GIGYF1: variants seen among roughly 807,000 people sequenced by gnomAD.
The protein encoded by GIGYF1 is GRB10-interacting GYF protein 1.
A neutral mutation model predicts 147.1 loss-of-function variants in GIGYF1; 84 were observed. The ratio of observed to expected loss-of-function variants is 0.57; its 90% CI spans 0.48 to 0.68. The LOEUF is 0.68. Among genes scored for constraint, GIGYF1 ranks in the 30% least tolerant of loss-of-function variants. The probability of loss-of-function intolerance (pLI) is 0.00; values close to 1 mark genes in which losing one functional copy is unlikely to be tolerated. For synonymous variants in GIGYF1, 752 were observed against 589.5 expected (o/e 1.28, Z -3.99); for missense variants, 1,485 against 1,393.7 (o/e 1.07, Z -1.04).
chr7:100,691,193 G>A (rs991512564), intron 1 of GIGYF1, among the ~76,000 whole-genome samples: 1 of 152,216 alleles, frequency 6.6e-6, no homozygotes, highest in Admixed American at 6.5e-5. Flanking sequence ...TGCTCCTCAG[G>A]GGGCTCTTGG....
At chr7:100,693,165 C>A (rs912424736) in intron 1 of GIGYF1, among the ~76,000 whole-genome samples, 8 of 152,090 alleles carry the variant, frequency 5.3e-5, no homozygotes, top group Non-Finnish European at 8.8e-5. Context: ...GCTAACAAGT[C>A]TTTATGTAGC....
chr7:100,684,351 A>G lies in GIGYF1; in HGVS notation c.1630-14T>C. ...GTCCATGTTTCCCTGCTCAGGTGAG[A>G]GCTCGGCCAGTGCCCCCAGCAGGGA... is the stretch of plus-strand genomic sequence containing the variant. On this transcript the variant is annotated splice_polypyrimidine_tract_variant and intron_variant, in intron 16 of 26. Transcript: ENST00000678049. The G allele has an allele frequency of 6.3e-7, 1 of 1,593,850 alleles. No individual in the cohort carries two copies. Among genetic ancestry groups the G allele is most frequent in the Non-Finnish European group, 8.5e-7 (1 of 1,171,872 alleles).
intron 1 of GIGYF1, among the ~76,000 whole-genome samples, chr7:100,691,700 C>T (rs1805843683): frequency 6.6e-6 from 1 of 152,050 alleles, no homozygotes; most frequent in African/African-American, 2.4e-5. Flanking sequence ...CCAGCCTGTC[C>T]CCCGCCCTGG....
Position 100,682,407 on chromosome 7 carries a change from C to A in GIGYF1, c.2676G>T (p.Leu892=). Residue 892 remains leucine (L), a synonymous_variant, in exon 24 of 27, where the codon CTG becomes CTT. Transcript: ENST00000678049. ...TEEEEKLLKL[L]QGIPRPQDGF... ...CGTCCTGGGGCCTGGGAATGCCCTGCAGCAGCTTCAGCAGCTTCTCTTCTT... is the reference window on the plus strand; with the variant it reads ...CGTCCTGGGGCCTGGGAATGCCCTGAAGCAGCTTCAGCAGCTTCTCTTCTT... 1 of 1,613,726 alleles carries A rather than the reference C, an allele frequency of 6.2e-7. No homozygotes were observed. The highest frequency in any genetic ancestry group is 1.1e-5 in the South Asian group (1 of 91,092).
intron 1 of GIGYF1, among the ~76,000 whole-genome samples, chr7:100,691,746 G>A (rs543548245): frequency 6.6e-6 from 1 of 151,742 alleles, no homozygotes; most frequent in African/African-American, 2.4e-5. Context: ...TCGGCTCCTC[G>A]CCCCTTCCCC....
chr7:100,693,224 G>A (rs1003791270), intron 1 of GIGYF1, among the ~76,000 whole-genome samples: 1 of 152,142 alleles, frequency 6.6e-6, no homozygotes, highest in African/African-American at 2.4e-5. Context: ...AGTCTGACCG[G>A]GAATGCGAGT....
chr7:100,685,592 G>A (rs1344296988), intron 12 of GIGYF1, 111 bp from the exon 13 acceptor site: 3 of 1,208,438 alleles, frequency 2.5e-6, no homozygotes, highest in African/African-American at 1.5e-5. Context: ...CTTAGGCCGA[G>A]TCCACCACTT....
In GIGYF1 at chr7:100,684,906, G is replaced by A. The variant is rs766294608; in HGVS notation, c.1291-12C>T. 1 of 1,605,394 alleles carries A rather than the reference G, an allele frequency of 6.2e-7. No individual in the cohort carries two copies. The highest frequency in any genetic ancestry group is 8.5e-7 in the Non-Finnish European group (1 of 1,175,594). On this transcript the variant is annotated splice_polypyrimidine_tract_variant and intron_variant, in intron 14 of 26. Coordinates refer to ENST00000678049, the MANE Select transcript of GIGYF1 (RefSeq NM_001375765.1). ...AGCTTCTCCGCCTCCTGGATGCCCA[G>A]AAAAAGAAGAAAGGCTCAGCTGCCA... is the stretch of plus-strand genomic sequence containing the variant.
rs537109599 is a variant in GIGYF1 at position 100,686,677 on chromosome 7, G to A, written c.666C>T (p.Asp222=). Residue 222 remains aspartate (D), a synonymous_variant, in exon 10 of 27, where the codon GAC becomes GAT. Coordinates refer to ENST00000678049, the MANE Select transcript of GIGYF1 (RefSeq NM_001375765.1). ...SWRLGAGPRR[D]GDRWRSASPD... is the part of the protein sequence containing the mutation. Reference sequence around the variant, plus strand: ...GGCTGGCGGAGCGCCAGCGGTCGCCGTCTCGCCGGGGCCCTGCTCCGAGCC... The same window carrying A: ...GGCTGGCGGAGCGCCAGCGGTCGCCATCTCGCCGGGGCCCTGCTCCGAGCC... 34 of 1,612,742 alleles carry A rather than the reference G, an allele frequency of 2.1e-5. 1 individual carries two copies. Among genetic ancestry groups the A allele is most frequent in the South Asian group, 1.6e-4 (15 of 91,040 alleles).
At chr7:100,690,135 A>G (rs185569123) in intron 1 of GIGYF1, among the ~76,000 whole-genome samples, 228 of 152,314 alleles carry the variant, frequency 1.5e-3, no homozygotes, top group African/African-American at 5.2e-3. Flanking sequence ...TGTATATTTT[A>G]CCACAATAAT....
rs375785053 is a variant in GIGYF1 at position 100,685,463 on chromosome 7, G to A, written c.1073C>T (p.Pro358Leu). Residue 358 changes from proline to leucine, a missense_variant, in exon 13 of 27, where the codon CCA becomes CTA. Coordinates refer to ENST00000678049, the MANE Select transcript of GIGYF1 (RefSeq NM_001375765.1). The part of the protein sequence containing the change: ...GPEAGGKELT[P>L]LPPQEEKSSS... ...GGACTTCTCCTCCTGAGGAGGCAGT[G>A]GGGTCAGCTCTTTCCCACCTAGAAG... 3.8e-6 allele frequency: 6 copies of A among 1,599,454 alleles called. No individual in the cohort carries two copies. Among genetic ancestry groups the A allele is most frequent in the Non-Finnish European group, 3.4e-6 (4 of 1,176,632 alleles).
At position 100,684,121 on chromosome 7, in the gene GIGYF1, T is replaced by A. The variant is rs969383204; in HGVS notation, c.1767A>T (p.Ala589=). The change falls in exon 18 of 27, where the codon GCA becomes GCT. Residue 589 remains alanine (A), a synonymous_variant. Transcript: ENST00000678049. The part of the protein sequence containing the change: ...QLPQCALREK[A]ALGDLTPPPP... ...GTGGCGGTGTCAGGTCCCCCAGAGC[T>A]GCCTTTTCTCGGAGCGCGCACTGTG... 5 of 1,608,592 alleles carry A rather than the reference T, an allele frequency of 3.1e-6. No homozygotes were observed. Among genetic ancestry groups the A allele is most frequent in the Non-Finnish European group, 3.4e-6 (4 of 1,179,712 alleles).
intron 22 of GIGYF1, 33 bp from the exon 23 acceptor site, chr7:100,682,810 C>T (rs776893605): frequency 6.6e-7 from 1 of 1,509,334 alleles, no homozygotes; most frequent in Non-Finnish European, 8.9e-7. Flanking sequence ...GTGGCTCAAA[C>T]AAAGGCACCC....
In GIGYF1 at chr7:100,692,545, T is replaced by G. The variant is rs531049480; in HGVS notation, c.-1099+1565A>C. ...GACTTTCAACATCCTTCATCTAGCC[T>G]CCTCCTCTCATCTTCTCTCCTCTAA... On this transcript the variant is annotated intron_variant, in intron 1 of 26. Coordinates refer to ENST00000678049, the MANE Select transcript of GIGYF1 (RefSeq NM_001375765.1). 1.1e-4 allele frequency among the ~76,000 whole-genome samples: 16 copies of G among 152,370 alleles called. No homozygotes were observed. In the East Asian group the frequency reaches 1.5e-3, roughly 15 times the overall value.
At position 100,679,563 on chromosome 7, in the gene GIGYF1, AAGAG is replaced by A. The variant is rs574274143; in HGVS notation, c.*2152_*2155del. 164 of 152,820 alleles carry A rather than the reference AAGAG, an allele frequency of 1.1e-3. No homozygotes were observed. Among genetic ancestry groups the A allele is most frequent in the Non-Finnish European group, 1.8e-3 (121 of 68,172 alleles). The allele number at this position is 152,820 out of a possible 1,614,324, so 9.5% of individuals were successfully genotyped here. On this transcript the variant is annotated 3_prime_UTR_variant, in exon 27 of 27. Coordinates refer to ENST00000678049, the MANE Select transcript of GIGYF1 (RefSeq NM_001375765.1). ...AGGGAGTATTTACAGGAGCAGGTAA[AAGAG>A]AGGGAAGTCACACAGGGTGGAGAGG...
intron 1 of GIGYF1, among the ~76,000 whole-genome samples, chr7:100,692,832 A>T (rs1777483735): frequency 6.6e-6 from 1 of 152,210 alleles, no homozygotes; most frequent in Admixed American, 6.5e-5. Context: ...ACCAAGACCT[A>T]CAATCTAAGA....
Position 100,684,486 on chromosome 7 carries a change from C to T in GIGYF1, c.1593G>A (p.Val531=), listed in dbSNP as rs764581297. The T allele has an allele frequency of 1.9e-6, 3 of 1,613,480 alleles. No homozygotes were observed. The highest frequency in any genetic ancestry group is 1.1e-5 in the South Asian group (1 of 91,078). The change falls in exon 16 of 27, where the codon GTG becomes GTA. Residue 531 remains valine (V), a synonymous_variant. Transcript: ENST00000678049. The part of the protein sequence containing the change: ...LGEVIKMWGR[V]PFAPGPSPPP... Reference sequence around the variant, plus strand: ...GAGGTGAGGGCCCTGGGGCAAAGGGCACGCGGCCCCACATCTTGATCACCT... The same window carrying T: ...GAGGTGAGGGCCCTGGGGCAAAGGGTACGCGGCCCCACATCTTGATCACCT...
In GIGYF1 at chr7:100,682,360, T is replaced by C; in HGVS notation, c.2723A>G (p.Gln908Arg). The C allele has an allele frequency of 6.2e-7, 1 of 1,613,492 alleles. No individual in the cohort carries two copies. The highest frequency in any genetic ancestry group is 1.1e-5 in the South Asian group (1 of 91,088). ...PQDGFTQWCE[Q>R]MLHTLSATGS... Reference sequence around the variant, plus strand: ...CGTGGCGCTCAGCGTGTGCAGCATCTGCTCGCACCACTGGGTGAAGCCGTC... The same window carrying C: ...CGTGGCGCTCAGCGTGTGCAGCATCCGCTCGCACCACTGGGTGAAGCCGTC... The change falls in exon 24 of 27, where the codon CAG (glutamine) becomes CGG (arginine). Residue 908 changes from glutamine (Q) to arginine (R), a missense_variant. Coordinates refer to ENST00000678049, the MANE Select transcript of GIGYF1 (RefSeq NM_001375765.1).
chr7:100,683,771 T>A, intron 19 of GIGYF1, 47 bp downstream of exon 19: 2 of 1,573,866 alleles, frequency 1.3e-6, no homozygotes, highest in Non-Finnish European at 1.7e-6. Flanking sequence ...CAGACCCCAT[T>A]TCACCCGGAG....
Sources: gnomAD v4.1 joint callset for allele counts (sites outside exome capture counted in the v4.1 genomes callset) on GRCh38, gnomAD v4.1.1 for gene constraint, MANE v1.5 for transcripts, NCBI Gene and HGNC (gene_info 2026-07-23, HGNC 2026-07-21) for gene names.